Variants in SRSF7 observed in about 807,000 individuals in gnomAD.
SRSF7 encodes the protein serine/arginine-rich splicing factor 7.
Under a neutral mutation model 42.2 loss-of-function variants are expected in SRSF7, and 15 were observed. The observed-to-expected ratio is 0.36, with a 90% confidence interval of 0.24 to 0.55. The LOEUF (loss-of-function observed/expected upper bound fraction) is 0.55. Among genes scored for constraint, SRSF7 ranks in the 20% least tolerant of loss-of-function variants. The probability of loss-of-function intolerance (pLI) is 0.88; values close to 1 mark genes in which losing one functional copy is unlikely to be tolerated. For missense variants in SRSF7, 181 were observed against 305.9 expected, an observed-to-expected ratio of 0.59 and a Z score of 3.04; for synonymous variants, 138 against 107.9, an observed-to-expected ratio of 1.28 and a Z score of -1.73.
At chr2:38,746,521 G>T (rs573191157) in intron 6 of SRSF7, among the ~76,000 whole-genome samples, 173 bp downstream of exon 6, 1 of 152,248 alleles carries the variant, frequency 6.6e-6, no homozygotes, top group African/African-American at 2.4e-5. Context: ...ACATTCCCTT[G>T]TTCAGGGAAA....
intron 1 of SRSF7, 70 bp downstream of exon 1, chr2:38,751,159 G>C (rs1668293664): frequency 2.5e-6 from 4 of 1,599,028 alleles, no homozygotes; most frequent in South Asian, 2.2e-5. Flanking sequence ...CAACCTCCGC[G>C]ACAACCCTAC....
chr2:38,748,184 T>A, intron 4 of SRSF7, 27 bp from the exon 5 acceptor site: 4 of 1,499,006 alleles, frequency 2.7e-6, no homozygotes, highest in Admixed American at 2.0e-5. Flanking sequence ...TAAGTCCATC[T>A]CCACAGTTTT....
At chr2:38,748,751 A>G in intron 3 of SRSF7, 98 bp from the exon 4 acceptor site, 1 of 1,356,248 alleles carries the variant, frequency 7.4e-7, no homozygotes, top group African/African-American at 1.5e-5. Context: ...AACTATTTAA[A>G]TTTAGTGTCT....
At chr2:38,748,742 A>T in intron 3 of SRSF7, 89 bp from the exon 4 acceptor site, 2 of 1,407,126 alleles carry the variant, frequency 1.4e-6, no homozygotes, top group Non-Finnish European at 2.0e-6. Flanking sequence ...AAATCTCAAA[A>T]CTATTTAAAT....
In SRSF7 at chr2:38,743,870, C is replaced by T; in HGVS notation, c.*1263G>A. 6.6e-6 allele frequency: 1 copy of T among 151,244 alleles called. No individual in the cohort carries two copies. Among genetic ancestry groups the T allele is most frequent in the East Asian group, 2.0e-4 (1 of 5,114 alleles). The allele number at this position is 151,244 out of a possible 1,614,324, so 9.4% of individuals were successfully genotyped here. A position where few individuals can be genotyped will look rare whatever the true frequency, so the allele number is the denominator to read the frequency against. ...ACTTTGCTGAAATGCATAAAATGGA[C>T]AAGCCTAGGTATCTGCGCAACCAGC... On this transcript the variant is annotated 3_prime_UTR_variant, in exon 8 of 8. Transcript: ENST00000313117.
At position 38,744,907 on chromosome 2, in the gene SRSF7, TTTTA is replaced by T; in HGVS notation, c.*222_*225del. On this transcript the variant is annotated 3_prime_UTR_variant, in exon 8 of 8. Coordinates refer to ENST00000313117, the MANE Select transcript of SRSF7 (RefSeq NM_001031684.3). ...CAAATCAAAAATCTAGTTAGAAACA[TTTTA>T]TTTAAATGTGCCAAATAAAAACCCA... 2.2e-6 allele frequency: 1 copy of T among 461,020 alleles called. No individual in the cohort carries two copies. Among genetic ancestry groups the T allele is most frequent in the African/African-American group, 2.0e-5 (1 of 51,216 alleles). 28.6% of individuals were successfully genotyped at this position (461,020 alleles called of 1,614,324 possible).
At chr2:38,751,434 G>A (rs1445697121), upstream of SRSF7, 2 of 805,692 alleles carry the variant, frequency 2.5e-6, no homozygotes, top group Non-Finnish European at 4.0e-6. Context: ...GTTGTTCTGC[G>A]CGGCACAAAG....
chr2:38,744,185 T>C lies in SRSF7; in HGVS notation c.*948A>G. 1.1e-4 allele frequency: 17 copies of C among 152,616 alleles called. No homozygotes were observed. Among genetic ancestry groups the C allele is most frequent in the African/African-American group, 4.1e-4 (17 of 41,464 alleles). The allele number at this position is 152,616 out of a possible 1,614,324, so 9.5% of individuals were successfully genotyped here. A position where few individuals can be genotyped will look rare whatever the true frequency, so the allele number is the denominator to read the frequency against. Reference sequence around the variant, plus strand: ...CCAGCCTGGCAAAATAGAAGAATGTTGTGGTTGGGAACTGCAAAACCTAGC... The same window carrying C: ...CCAGCCTGGCAAAATAGAAGAATGTCGTGGTTGGGAACTGCAAAACCTAGC... On this transcript the variant is annotated 3_prime_UTR_variant, in exon 8 of 8. Coordinates refer to ENST00000313117, the MANE Select transcript of SRSF7 (RefSeq NM_001031684.3).
At chr2:38,749,935 G>A (rs1668030817) in intron 2 of SRSF7, 79 bp downstream of exon 2, 2 of 1,469,700 alleles carry the variant, frequency 1.4e-6, no homozygotes, top group African/African-American at 1.4e-5. Flanking sequence ...CCAGACTTCA[G>A]AATCCAAATT....
chr2:38,749,006 G>A, intron 3 of SRSF7: 2 of 1,288,394 alleles, frequency 1.6e-6, no homozygotes, highest in Non-Finnish European at 2.0e-6. Context: ...TCAATCTAAC[G>A]ACGATCAAAC....
chr2:38,743,927 A>C lies in SRSF7; in HGVS notation c.*1206T>G. On this transcript the variant is annotated 3_prime_UTR_variant, in exon 8 of 8. Coordinates refer to ENST00000313117, the MANE Select transcript of SRSF7 (RefSeq NM_001031684.3). ...TTTTTTTTTTGTACCAAGGCTAGAGAATGCCTGGTAAAAGCTTGACCAGAA... is the reference window on the plus strand; with the variant it reads ...TTTTTTTTTTGTACCAAGGCTAGAGCATGCCTGGTAAAAGCTTGACCAGAA... The C allele has an allele frequency of 6.6e-6, 1 of 151,502 alleles. No homozygotes were observed. 9.4% of individuals were successfully genotyped at this position (151,502 alleles called of 1,614,324 possible). A position where few individuals can be genotyped will look rare whatever the true frequency, so the allele number is the denominator to read the frequency against.
At chr2:38,749,507 A>G (rs767794390) in intron 3 of SRSF7, 22 bp downstream of exon 3, 11 of 1,554,088 alleles carry the variant, frequency 7.1e-6, no homozygotes, top group Non-Finnish European at 8.7e-6. Context: ...AATACCAACC[A>G]TTCCTTTATT....
rs114835195 is a variant in SRSF7, at chr2:38,748,036, G to T, written c.572+11C>A. On this transcript the variant is annotated intron_variant, in intron 5 of 7. Transcript: ENST00000313117. The stretch of plus-strand genomic sequence containing the variant: ...ATCCAAACACAAGTAAGGAAAAAAA[G>T]TGTTACATACTGGAAATACCTCGAT... 8.8e-6 allele frequency: 14 copies of T among 1,596,332 alleles called. No homozygotes were observed. The African/African-American group carries it at 1.7e-4, about 20-fold the overall frequency.
Position 38,748,642 on chromosome 2 carries a change from C to A in SRSF7, c.398G>T (p.Arg133Ile). 6.2e-7 allele frequency: 1 copy of A among 1,614,204 alleles called. No homozygotes were observed. Among genetic ancestry groups the A allele is most frequent in the Non-Finnish European group, 8.5e-7 (1 of 1,180,038 alleles). ...CCTTCCTCTGGATCGAGAATGTGAT[C>A]TAGACCGTGACCTATTTTTCAAGTT... is the stretch of plus-strand genomic sequence containing the variant. ...SRRRRSRSRS[R>I]SHSRSRGRRY... Residue 133 changes from arginine (R) to isoleucine (I), a missense_variant, in exon 4 of 8, where the codon AGA becomes ATA. Coordinates refer to ENST00000313117, the MANE Select transcript of SRSF7 (RefSeq NM_001031684.3).
intron 4 of SRSF7, 141 bp from the exon 5 acceptor site, chr2:38,748,298 C>G: frequency 1.4e-6 from 1 of 698,320 alleles, no homozygotes; most frequent in Non-Finnish European, 2.4e-6. Flanking sequence ...GAGCTTGAGA[C>G]CAGCCTGGGA....
intron 7 of SRSF7, among the ~76,000 whole-genome samples, chr2:38,745,404 G>C (rs1030819564): frequency 6.6e-6 from 1 of 152,178 alleles, no homozygotes; most frequent in Non-Finnish European, 1.5e-5. Flanking sequence ...TGTAACCCCA[G>C]CACTTTGGGA....
At chr2:38,747,093 ACT>A (rs1450115055) in intron 5 of SRSF7, 1 of 486,696 alleles carries the variant, frequency 2.1e-6, no homozygotes, top group Non-Finnish European at 4.2e-6. Flanking sequence ...TCAGCTGGGC[ACT>A]GTGGTACACA....
chr2:38,745,231 G>A (rs1667189972), intron 7 of SRSF7, 44 bp from the exon 8 acceptor site: 1 of 1,601,558 alleles, frequency 6.2e-7, no homozygotes, highest in African/African-American at 1.3e-5. Context: ...AGTGTCAATT[G>A]AAACTCTCAT....
chr2:38,745,281 A>C, intron 7 of SRSF7, 94 bp from the exon 8 acceptor site: 1 of 1,309,280 alleles, frequency 7.6e-7, no homozygotes, highest in Non-Finnish European at 1.1e-6. Context: ...AGGTGGCCTA[A>C]GGTACTAATT....
Sources: allele counts gnomAD v4.1 joint callset (sites outside exome capture counted in the v4.1 genomes callset), GRCh38; gene constraint gnomAD v4.1.1; transcripts MANE v1.5; gene names NCBI Gene and HGNC (gene_info 2026-07-23, HGNC 2026-07-21).